The following CEP350 variants were observed in gnomAD, a reference collection of about 807,000 sequenced individuals.
CEP350 encodes centrosome-associated protein 350.
Under a neutral mutation model 331.8 loss-of-function variants are expected in CEP350, and 126 were observed. The observed-to-expected ratio is 0.38, with a 90% CI of 0.33 to 0.44. The LOEUF (loss-of-function observed/expected upper bound fraction) is 0.44, where lower values mean the gene tolerates loss of function less well. CEP350 is among the 20% of genes least tolerant of loss of function. The pLI, the probability that CEP350 is intolerant of heterozygous loss-of-function variation, is 1.00. For missense variants in CEP350, 3,406 were observed against 3,634.6 expected (o/e 0.94, Z 1.62); for synonymous variants, 1,200 against 1,259.5 (o/e 0.95, Z 1.00).
chr1:179,980,161 A>T (rs1652169468), intron 1 of CEP350, among the ~76,000 whole-genome samples: 1 of 152,068 alleles, frequency 6.6e-6, no homozygotes, highest in Non-Finnish European at 1.5e-5. Flanking sequence ...TTTCCAGTTC[A>T]TGAACACAGG....
chr1:179,957,213 C>G (rs1180004562), intron 1 of CEP350, among the ~76,000 whole-genome samples: 1 of 152,118 alleles, frequency 6.6e-6, no homozygotes, highest in African/African-American at 2.4e-5. Context: ...AACAAACATT[C>G]AAGCCACATG....
intron 37 of CEP350, among the ~76,000 whole-genome samples, chr1:180,104,749 ATAT>A (rs1174605831): frequency 6.6e-6 from 1 of 152,158 alleles, no homozygotes; most frequent in Non-Finnish European, 1.5e-5. Context: ...AAAATATTAG[ATAT>A]TATTAATATA....
chr1:180,100,122 AG>A (rs2149162816), intron 37 of CEP350, among the ~76,000 whole-genome samples: 1 of 152,274 alleles, frequency 6.6e-6, no homozygotes, highest in African/African-American at 2.4e-5. Flanking sequence ...TAATTACATG[AG>A]GTAGGAAGAA....
intron 21 of CEP350, 125 bp downstream of exon 21, chr1:180,044,298 C>A: frequency 1.1e-6 from 1 of 948,534 alleles, no homozygotes; most frequent in Non-Finnish European, 1.4e-6. Flanking sequence ...CTTCAAAGTG[C>A]TGGCTTCCCT....
intron 1 of CEP350, among the ~76,000 whole-genome samples, chr1:179,978,069 G>T (rs1652007085): frequency 6.6e-6 from 1 of 151,944 alleles, no homozygotes; most frequent in African/African-American, 2.4e-5. Context: ...CTAGGCGATA[G>T]AAATTTTTCA....
At chr1:180,096,327 G>T in intron 36 of CEP350, 143 bp downstream of exon 36, 2 of 854,946 alleles carry the variant, frequency 2.3e-6, no homozygotes, top group Non-Finnish European at 3.3e-6. Context: ...ATTCAATAAA[G>T]ATTTGTTGAC....
intron 37 of CEP350, among the ~76,000 whole-genome samples, chr1:180,107,728 G>A (rs917154115): frequency 1.3e-5 from 2 of 152,046 alleles, no homozygotes; most frequent in Admixed American, 6.6e-5. Flanking sequence ...CAAGGATACA[G>A]TGAAAGACCC....
chr1:179,971,423 A>C (rs1651444158), intron 1 of CEP350, among the ~76,000 whole-genome samples: 1 of 152,170 alleles, frequency 6.6e-6, no homozygotes, highest in Non-Finnish European at 1.5e-5. Context: ...TTTAAGGCTC[A>C]AGTGATCCTC....
intron 19 of CEP350, among the ~76,000 whole-genome samples, chr1:180,042,141 C>T (rs1271034336): frequency 6.6e-6 from 1 of 151,076 alleles, no homozygotes; most frequent in Non-Finnish European, 1.5e-5. Flanking sequence ...CTCACACACA[C>T]ACACACACAC....
chr1:180,024,598 C>A lies in CEP350; in HGVS notation c.3550+16C>A. ...AAGACAGAATGTAAGTGGAATTCCACATGGTAACTTTTTCTCTTACCAATG... is the reference window on the plus strand; with the variant it reads ...AAGACAGAATGTAAGTGGAATTCCAAATGGTAACTTTTTCTCTTACCAATG... On this transcript the variant is annotated intron_variant, in intron 14 of 37. Coordinates refer to ENST00000367607, the MANE Select transcript of CEP350 (RefSeq NM_014810.5). 1 of 1,594,674 alleles carries A rather than the reference C, an allele frequency of 6.3e-7. No homozygotes were observed. The highest frequency in any genetic ancestry group is 1.3e-5 in the African/African-American group (1 of 74,654).
chr1:179,961,554 ATTGTT>A lies in CEP350; in HGVS notation c.-14+6425_-14+6429del, dbSNP rs563208386. Reference sequence around the variant, plus strand: ...AAAAATGCTAGCTCCAATCCACGATATTGTTTTGTTTTGTTTTAATCTACTAACGG... The same window carrying A: ...AAAAATGCTAGCTCCAATCCACGATATTGTTTTGTTTTAATCTACTAACGG... On this transcript the variant is annotated intron_variant, in intron 1 of 37. Transcript: ENST00000367607. Among the ~76,000 whole-genome samples, 215 of 152,214 alleles carry A rather than the reference ATTGTT, an allele frequency of 1.4e-3. 1 individual carries two copies. The highest frequency in any genetic ancestry group is 4.9e-3 in the African/African-American group (205 of 41,536).
chr1:180,044,065 T>C lies in CEP350; in HGVS notation c.4514T>C (p.Val1505Ala). Residue 1505 changes from valine to alanine, a missense_variant, in exon 21 of 38, where the codon GTT becomes GCT. Physicochemically the swap from Val to Ala is moderately conservative, Grantham distance 64. Coordinates refer to ENST00000367607, the MANE Select transcript of CEP350 (RefSeq NM_014810.5). ...TTTATTTGTAGGAAAAGTCCATCTG[T>C]TTCACTCTCTCAGAGTAAAGAAGGG... ...RTETDRKSPS[V>A]SLSQSKEGTL... 6.5e-7 allele frequency: 1 copy of C among 1,544,060 alleles called. No individual in the cohort carries two copies. Among genetic ancestry groups the C allele is most frequent in the East Asian group, 2.4e-5 (1 of 41,400 alleles).
At chr1:180,100,503 G>A (rs1045100633) in intron 37 of CEP350, among the ~76,000 whole-genome samples, 4 of 152,186 alleles carry the variant, frequency 2.6e-5, no homozygotes, top group Non-Finnish European at 1.5e-5. Flanking sequence ...AATCACCTCT[G>A]TATATACATT....
At chr1:180,051,180 G>A (rs961086424) in intron 22 of CEP350, among the ~76,000 whole-genome samples, 3 of 152,128 alleles carry the variant, frequency 2.0e-5, no homozygotes, top group Non-Finnish European at 2.9e-5. Context: ...TCCATACAAC[G>A]AAATACTATT....
rs1463459737 is a variant in CEP350 at position 180,095,541 on chromosome 1, G to A, written c.8530G>A (p.Ala2844Thr). Reference sequence around the variant, plus strand: ...TCTATAGGAGAGCCCAGTATTTGGTGCCAGTGGGCAGGAAGAACTTGCTAA... The same window carrying A: ...TCTATAGGAGAGCCCAGTATTTGGTACCAGTGGGCAGGAAGAACTTGCTAA... ...CPRPESPVFG[A>T]SGQEELAKRL... is the part of the protein sequence containing the mutation. Residue 2844 changes from alanine (A) to threonine (T), a missense_variant, in exon 35 of 38, where the codon GCC becomes ACC. By Grantham distance (58) the Ala-to-Thr change is moderately conservative. Coordinates refer to ENST00000367607, the MANE Select transcript of CEP350 (RefSeq NM_014810.5). The A allele has an allele frequency of 3.7e-6, 6 of 1,613,778 alleles. No homozygotes were observed. The Admixed American group carries it at 1.0e-4, about 27-fold the overall frequency.
intron 1 of CEP350, among the ~76,000 whole-genome samples, chr1:179,985,710 C>T (rs1010296404): frequency 2.0e-5 from 3 of 152,068 alleles, no homozygotes; most frequent in Non-Finnish European, 2.9e-5. Flanking sequence ...CTTATAAAAC[C>T]GTTAGATCTC....
intron 1 of CEP350, among the ~76,000 whole-genome samples, chr1:179,983,490 C>G (rs1652432702): frequency 6.6e-6 from 1 of 152,198 alleles, no homozygotes. Context: ...CTGCCTCAGC[C>G]TCCCAAAGTG....
At chr1:180,037,130 T>A (rs758319118) in intron 17 of CEP350, 41 bp downstream of exon 17, 1 of 1,494,842 alleles carries the variant, frequency 6.7e-7, no homozygotes, top group Non-Finnish European at 8.9e-7. Flanking sequence ...TTTTTCTTTT[T>A]TCTTCGCTAT....
At chr1:180,054,295 T>G in intron 24 of CEP350, 120 bp from the exon 25 acceptor site, 1 of 849,398 alleles carries the variant, frequency 1.2e-6, no homozygotes, top group Non-Finnish European at 1.9e-6. Context: ...AGCAACTGCT[T>G]TTCACATTTG....
Sources: allele counts gnomAD v4.1 joint callset (sites outside exome capture counted in the v4.1 genomes callset), GRCh38; gene constraint gnomAD v4.1.1; transcripts MANE v1.5; gene names NCBI Gene and HGNC (gene_info 2026-07-23, HGNC 2026-07-21).